Variants in SPTA1 observed in about 807,000 individuals in gnomAD.
The protein encoded by SPTA1 is spectrin alpha, erythrocytic 1, also known as spectrin alpha chain, erythrocytic 1.
Under a neutral mutation model 324.7 loss-of-function variants are expected in SPTA1, and 177 were observed. The observed-to-expected ratio is 0.55, with a 90% confidence interval of 0.48 to 0.62. SPTA1 has a LOEUF of 0.62. Among genes scored for constraint, SPTA1 ranks in the 20% least tolerant of loss-of-function variants. The pLI, the probability that SPTA1 is intolerant of heterozygous loss-of-function variation, is 0.00. For synonymous variants in SPTA1, 1,195 were observed against 1,041.3 expected, an observed-to-expected ratio of 1.15 and a Z score of -2.84; for missense variants, 3,162 against 2,883.6, an observed-to-expected ratio of 1.10 and a Z score of -2.21.
At position 158,613,814 on chromosome 1, in the gene SPTA1, C is replaced by A. The variant is rs201514157; in HGVS notation, c.6896G>T (p.Cys2299Phe). ...GRLTHKEFRS[C>F]LRGLNYYLPM... is the part of the protein sequence containing the mutation. ...CAAGTAGTAATTGAGTCCTCTCAGG[C>A]AGGACCGGAACTCTTTGTGAGTCAG... Residue 2299 changes from cysteine to phenylalanine, a missense_variant, in exon 50 of 52, where the codon TGC (cysteine) becomes TTC (phenylalanine). Transcript: ENST00000643759. 962 of 1,613,802 alleles carry A rather than the reference C, an allele frequency of 6.0e-4. No individual in the cohort carries two copies. Among genetic ancestry groups the A allele is most frequent in the Non-Finnish European group, 7.5e-4 (885 of 1,179,916 alleles).
intron 6 of SPTA1, 57 bp downstream of exon 6, chr1:158,678,344 A>C: frequency 6.2e-7 from 1 of 1,609,040 alleles, no homozygotes; most frequent in Non-Finnish European, 8.5e-7. Context: ...TAATACAAAG[A>C]CACGGTTTTT....
At chr1:158,634,373 TACATGCTTGG>T (rs1198621247) in intron 39 of SPTA1, among the ~76,000 whole-genome samples, 160 bp downstream of exon 39, 1 of 152,234 alleles carries the variant, frequency 6.6e-6, no homozygotes, top group Non-Finnish European at 1.5e-5. Context: ...GCAAGTCACT[TACATGCTTGG>T]ACTTTAATTT....
In SPTA1 at chr1:158,654,666, C is replaced by G; in HGVS notation, c.2981G>C (p.Arg994Pro). The stretch of plus-strand genomic sequence containing the variant: ...ATCACCTTTCTTCATGGTGACTTCT[C>G]GGGGGCTGCGGGCCTGGAAGTCATA... ...ALYDFQARSP[R>P]EVTMKKGDVL... The change falls in exon 21 of 52, where the codon CGA becomes CCA. Residue 994 changes from arginine (R) to proline (P), a missense_variant. Physicochemically the swap from Arg to Pro is moderately radical, Grantham distance 103. Coordinates refer to ENST00000643759, the MANE Select transcript of SPTA1 (RefSeq NM_003126.4). The G allele has an allele frequency of 6.2e-7, 1 of 1,613,832 alleles. No individual in the cohort carries two copies. The highest frequency in any genetic ancestry group is 8.5e-7 in the Non-Finnish European group (1 of 1,179,966).
At chr1:158,671,946 C>A in intron 11 of SPTA1, 113 bp downstream of exon 11, 1 of 1,400,264 alleles carries the variant, frequency 7.1e-7, no homozygotes, top group South Asian at 1.2e-5. Context: ...CTTTAGTTCC[C>A]AAGACAAGCT....
In SPTA1 at chr1:158,642,955, T is replaced by C; in HGVS notation, c.4464A>G (p.Gln1488=). Residue 1488 remains glutamine (Q), a synonymous_variant, in exon 32 of 52, where the codon CAA becomes CAG. Coordinates refer to ENST00000643759, the MANE Select transcript of SPTA1 (RefSeq NM_003126.4). ...VLDRWKALKA[Q]LIDERTKLGD... ...CAAGCTTTGTCCGCTCATCAATCAG[T>C]TGTGCTTTGAGAGCCTTCCACCTAG... 1.2e-6 allele frequency: 2 copies of C among 1,613,674 alleles called. No homozygotes were observed. Among genetic ancestry groups the C allele is most frequent in the East Asian group, 2.2e-5 (1 of 44,868 alleles).
At position 158,677,787 on chromosome 1, in the gene SPTA1, A is replaced by G; in HGVS notation, c.860T>C (p.Leu287Pro). Residue 287 changes from leucine to proline, a missense_variant, in exon 7 of 52, where the codon CTC becomes CCC. Transcript: ENST00000643759. ...GTCTTTGCCATAGTCCTCAGAGGTGAGTACAGGTTCCTTCTCCTTGATCCA... is the reference window on the plus strand; with the variant it reads ...GTCTTTGCCATAGTCCTCAGAGGTGGGTACAGGTTCCTTCTCCTTGATCCA... ...IQWIKEKEPV[L>P]TSEDYGKDLV... 1 of 1,613,724 alleles carries G rather than the reference A, an allele frequency of 6.2e-7. No individual in the cohort carries two copies. Among genetic ancestry groups the G allele is most frequent in the Non-Finnish European group, 8.5e-7 (1 of 1,179,748 alleles).
intron 11 of SPTA1, 45 bp from the exon 12 acceptor site, chr1:158,671,498 A>G (rs1344320921): frequency 2.0e-6 from 3 of 1,486,512 alleles, no homozygotes; most frequent in Non-Finnish European, 2.8e-6. Flanking sequence ...CTGACCGGTA[A>G]GAAACATTCC....
intron 20 of SPTA1, 99 bp downstream of exon 20, chr1:158,656,465 G>A (rs1257171824): frequency 2.8e-6 from 3 of 1,086,884 alleles, no homozygotes; most frequent in East Asian, 4.7e-5. Context: ...CTTTGCCATT[G>A]TTTTTGGGGT....
At chr1:158,682,021 A>G (rs1203154007) in intron 3 of SPTA1, among the ~76,000 whole-genome samples, 2 of 152,294 alleles carry the variant, frequency 1.3e-5, no homozygotes, top group South Asian at 2.1e-4. Flanking sequence ...TAAGCATAAC[A>G]TGTTCTAAGA....
chr1:158,684,615 T>C (rs1302955308), intron 2 of SPTA1, among the ~76,000 whole-genome samples: 1 of 152,156 alleles, frequency 6.6e-6, no homozygotes, highest in African/African-American at 2.4e-5. Context: ...AGTCTAATTT[T>C]TCCATTACAT....
chr1:158,633,636 G>A (rs1390494693), intron 39 of SPTA1, among the ~76,000 whole-genome samples: 1 of 148,138 alleles, frequency 6.8e-6, no homozygotes, highest in Non-Finnish European at 1.5e-5. Flanking sequence ...ACTCCAGGCT[G>A]GGAGACAGAG....
At position 158,661,423 on chromosome 1, in the gene SPTA1, GA is replaced by G. The variant is rs1653202863; in HGVS notation, c.2465-15del. On this transcript the variant is annotated splice_polypyrimidine_tract_variant and intron_variant, in intron 17 of 51. Transcript: ENST00000643759. The stretch of plus-strand genomic sequence containing the variant: ...TCAGGTCCTTTCCTGCAGAGGAAAG[GA>G]ATTTCAAAGTTTCGGATTATCCTGG... 2 of 1,613,610 alleles carry G rather than the reference GA, an allele frequency of 1.2e-6. No individual in the cohort carries two copies. The highest frequency in any genetic ancestry group is 2.7e-5 in the African/African-American group (2 of 74,866).
At chr1:158,652,076 T>G (rs1652485279) in intron 23 of SPTA1, among the ~76,000 whole-genome samples, 1 of 152,122 alleles carries the variant, frequency 6.6e-6, no homozygotes, top group Non-Finnish European at 1.5e-5. Flanking sequence ...TAGAAATTGT[T>G]TGTCAAGTCA....
intron 38 of SPTA1, 134 bp downstream of exon 38, chr1:158,635,779 G>A: frequency 7.5e-7 from 1 of 1,327,792 alleles, no homozygotes; most frequent in Non-Finnish European, 1.1e-6. Flanking sequence ...CTTGTCATTT[G>A]AGAAGGGACT....
chr1:158,612,629 A>G, intron 51 of SPTA1, 188 bp downstream of exon 51: 1 of 641,028 alleles, frequency 1.6e-6, no homozygotes, highest in South Asian at 1.8e-5. Context: ...ATAGAGTACC[A>G]CAGTACGTTT....
chr1:158,636,056 T>C (rs765108419), intron 37 of SPTA1, 22 bp from the exon 38 acceptor site: 2 of 1,614,074 alleles, frequency 1.2e-6, no homozygotes, highest in Non-Finnish European at 1.7e-6. Context: ...CCCCGATACA[T>C]GTTCCATTAC....
At position 158,666,251 on chromosome 1, in the gene SPTA1, A is replaced by G. The variant is rs568498610; in HGVS notation, c.2220+65T>C. 1.8e-5 allele frequency: 27 copies of G among 1,542,844 alleles called. No individual in the cohort carries two copies. The African/African-American group carries it at 2.5e-4, about 14-fold the overall frequency. On this transcript the variant is annotated intron_variant, in intron 16 of 51. Coordinates refer to ENST00000643759, the MANE Select transcript of SPTA1 (RefSeq NM_003126.4). ...ATAAGTAATAATTACTTATTACTTA[A>G]TAACGAGTGTGCTCAGAGCATATAC...
chr1:158,654,542 C>T lies in SPTA1; in HGVS notation c.3036+69G>A, dbSNP rs549663430. ...TGTTAGATGGTAAAAATATGAATAT[C>T]TGGCAGGATTGGGAGAGATGGTTCT... On this transcript the variant is annotated intron_variant, in intron 21 of 51. Coordinates refer to ENST00000643759, the MANE Select transcript of SPTA1 (RefSeq NM_003126.4). 6.1e-5 allele frequency: 97 copies of T among 1,595,364 alleles called. No individual in the cohort carries two copies. The African/African-American group carries it at 1.2e-3, about 19-fold the overall frequency.
intron 39 of SPTA1, among the ~76,000 whole-genome samples, chr1:158,633,673 AAAAAAGAAAAG>A (rs1650849268): frequency 1.3e-5 from 2 of 151,336 alleles, no homozygotes; most frequent in African/African-American, 4.8e-5. Flanking sequence ...AAAAAAAAAA[AAAAAAGAAAAG>A]AAAAAAGAAA....
Sources: allele counts gnomAD v4.1 joint callset (sites outside exome capture counted in the v4.1 genomes callset), GRCh38; gene constraint gnomAD v4.1.1; transcripts MANE v1.5; gene names NCBI Gene and HGNC (gene_info 2026-07-23, HGNC 2026-07-21).